The following EPB41L4A variants were observed in gnomAD, a reference collection of about 807,000 sequenced individuals.
The protein encoded by EPB41L4A is band 4.1-like protein 4A.
In EPB41L4A, 100 loss-of-function variants were observed where a neutral mutation model predicts 108.6. The observed-to-expected ratio is 0.92, with a 90% CI of 0.78 to 1.09. The LOEUF (loss-of-function observed/expected upper bound fraction) is 1.09, where lower values mean the gene tolerates loss of function less well. Ranked by LOEUF, EPB41L4A falls within the 50% of genes least tolerant of loss-of-function variation. The pLI is 0.00. For synonymous variants in EPB41L4A, 319 were observed against 289.0 expected (o/e 1.10, Z -1.05); for missense variants, 1,030 against 842.7 (o/e 1.22, Z -2.75).
At position 112,164,831 on chromosome 5, in the gene EPB41L4A, CAAAAAAAAA is replaced by C. The variant is rs5870486; in HGVS notation, c.*150_*158del. On this transcript the variant is annotated 3_prime_UTR_variant, in exon 23 of 23. Transcript: ENST00000261486. ...CCTGGGCGACAGAGTGATAACATCT[CAAAAAAAAA>C]AAAAAAAAGAAGCAAAAGATAATGT... is the stretch of plus-strand genomic sequence containing the variant. 10 of 490,406 alleles carry C rather than the reference CAAAAAAAAA, an allele frequency of 2.0e-5. No individual in the cohort carries two copies. In the African/African-American group the frequency reaches 2.5e-4, roughly 12 times the overall value. The allele number at this position is 490,406 out of a possible 1,614,324, so 30.4% of individuals were successfully genotyped here.
At chr5:112,289,395 A>C (rs150189262) in intron 2 of EPB41L4A, among the ~76,000 whole-genome samples, 15 of 152,114 alleles carry the variant, frequency 9.9e-5, no homozygotes, top group Non-Finnish European at 2.1e-4. Context: ...TAGCCTACTC[A>C]GGTAATCCAG....
At chr5:112,384,134 G>C (rs1760346168) in intron 1 of EPB41L4A, among the ~76,000 whole-genome samples, 1 of 152,100 alleles carries the variant, frequency 6.6e-6, no homozygotes, top group Admixed American at 6.5e-5. Context: ...AAGGATACAA[G>C]GTTTCTTTTC....
At chr5:112,259,754 C>T (rs1751361839) in intron 8 of EPB41L4A, 137 bp downstream of exon 8, 2 of 666,248 alleles carry the variant, frequency 3.0e-6, no homozygotes, top group South Asian at 1.9e-5. Flanking sequence ...CAGGAGAAAA[C>T]TCACACCCAA....
At chr5:112,312,639 G>C (rs969490170) in intron 1 of EPB41L4A, among the ~76,000 whole-genome samples, 1 of 152,204 alleles carries the variant, frequency 6.6e-6, no homozygotes, top group African/African-American at 2.4e-5. Context: ...AAGACTTAGA[G>C]AGCATGGATG....
chr5:112,330,543 C>T (rs1756495534), intron 1 of EPB41L4A, among the ~76,000 whole-genome samples: 1 of 151,924 alleles, frequency 6.6e-6, no homozygotes, highest in Non-Finnish European at 1.5e-5. Flanking sequence ...AGCCATTGTT[C>T]CAAGTTATTA....
At chr5:112,402,266 C>T (rs1223344655) in intron 1 of EPB41L4A, among the ~76,000 whole-genome samples, 5 of 152,108 alleles carry the variant, frequency 3.3e-5, no homozygotes, top group Non-Finnish European at 5.9e-5. Context: ...CCTTCCACCA[C>T]GATTGTAAGT....
intron 1 of EPB41L4A, among the ~76,000 whole-genome samples, chr5:112,327,281 T>G (rs948563825): frequency 6.6e-6 from 1 of 152,228 alleles, no homozygotes; most frequent in South Asian, 2.1e-4. Flanking sequence ...CAAACAAGAC[T>G]TCTATAAAGA....
chr5:112,418,286 G>T (rs1288037341), intron 1 of EPB41L4A, among the ~76,000 whole-genome samples: 1 of 152,166 alleles, frequency 6.6e-6, no homozygotes, highest in Non-Finnish European at 1.5e-5. Context: ...TGCGAGCTCT[G>T]CTGCCTTTTT....
chr5:112,184,409 T>C (rs1761322848), intron 17 of EPB41L4A, among the ~76,000 whole-genome samples: 1 of 152,190 alleles, frequency 6.6e-6, no homozygotes, highest in Non-Finnish European at 1.5e-5. Flanking sequence ...CAAAAACTTA[T>C]TTTAAACATT....
intron 12 of EPB41L4A, among the ~76,000 whole-genome samples, chr5:112,153,566 C>CACAT (rs1554068979): frequency 6.9e-6 from 1 of 144,974 alleles, no homozygotes; most frequent in Non-Finnish European, 1.5e-5. Flanking sequence ...AAAAAATATA[C>CACAT]ATATATATAT....
chr5:112,408,859 G>GA (rs1314328505), intron 1 of EPB41L4A, among the ~76,000 whole-genome samples: 2 of 152,040 alleles, frequency 1.3e-5, no homozygotes, highest in African/African-American at 2.4e-5. Context: ...AGAATGTGGA[G>GA]AAATTAGAAC....
chr5:112,322,134 TA>T (rs1362438133), intron 1 of EPB41L4A, among the ~76,000 whole-genome samples: 2 of 152,238 alleles, frequency 1.3e-5, no homozygotes, highest in East Asian at 3.8e-4. Flanking sequence ...GAATAACAGC[TA>T]AATACTATTT....
chr5:112,197,285 C>A (rs1762010516), intron 15 of EPB41L4A, among the ~76,000 whole-genome samples: 1 of 152,182 alleles, frequency 6.6e-6, no homozygotes, highest in Admixed American at 6.5e-5. Flanking sequence ...GGTGTCTATG[C>A]CCCATGCTCC....
intron 1 of EPB41L4A, among the ~76,000 whole-genome samples, chr5:112,346,263 T>C (rs903847253): frequency 7.5e-5 from 10 of 134,086 alleles, no homozygotes; most frequent in Non-Finnish European, 1.6e-4. Flanking sequence ...TCTCGCTCTG[T>C]CGTCTAGGCT....
chr5:112,332,836 C>T (rs1415808410), intron 1 of EPB41L4A, among the ~76,000 whole-genome samples: 1 of 152,140 alleles, frequency 6.6e-6, no homozygotes, highest in Admixed American at 6.5e-5. Flanking sequence ...ATTGCTTATA[C>T]TTTTTGTGGC....
At chr5:112,327,140 A>ATT (rs1226675676) in intron 1 of EPB41L4A, among the ~76,000 whole-genome samples, 1 of 152,216 alleles carries the variant, frequency 6.6e-6, no homozygotes, top group Non-Finnish European at 1.5e-5. Flanking sequence ...TAAAACCCAG[A>ATT]TATAAGCCCT....
chr5:112,151,250 T>G (rs750206996), intron 12 of EPB41L4A, among the ~76,000 whole-genome samples: 2 of 151,668 alleles, frequency 1.3e-5, no homozygotes, highest in Non-Finnish European at 1.5e-5. Flanking sequence ...AATGTCAAAT[T>G]TGTGAGTTTA....
intron 1 of EPB41L4A, among the ~76,000 whole-genome samples, chr5:112,328,698 G>A (rs1032956153): frequency 6.6e-6 from 1 of 152,102 alleles, no homozygotes; most frequent in African/African-American, 2.4e-5. Context: ...AGATTTTAAC[G>A]TTGACACTTT....
intron 2 of EPB41L4A, among the ~76,000 whole-genome samples, chr5:112,288,723 C>T (rs1753446869): frequency 6.6e-6 from 1 of 152,080 alleles, no homozygotes; most frequent in Non-Finnish European, 1.5e-5. Flanking sequence ...AGGCAGGAAA[C>T]ATATCTTATC....
Sources: allele counts gnomAD v4.1 joint callset (sites outside exome capture counted in the v4.1 genomes callset), GRCh38; gene constraint gnomAD v4.1.1; transcripts MANE v1.5; gene names NCBI Gene and HGNC (gene_info 2026-07-23, HGNC 2026-07-21).